ZCCHC17: variants seen among roughly 807,000 people sequenced by gnomAD.
The protein encoded by ZCCHC17 is zinc finger CCHC domain-containing protein 17.
Under a neutral mutation model 30.6 loss-of-function variants are expected in ZCCHC17, and 18 were observed. That is an observed-to-expected ratio of 0.59 (90% CI 0.41 to 0.87). ZCCHC17 has a LOEUF of 0.87. Among genes scored for constraint, ZCCHC17 ranks in the 40% least tolerant of loss-of-function variants. The pLI, the probability that ZCCHC17 is intolerant of heterozygous loss-of-function variation, is 0.00. For synonymous variants in ZCCHC17, 88 were observed against 92.4 expected (o/e 0.95, Z 0.27); for missense variants, 263 against 284.2 (o/e 0.93, Z 0.54).
rs778260756 is a variant in ZCCHC17 at position 31,364,146 on chromosome 1, A to C, written c.679A>C (p.Lys227Gln). 7 of 1,613,766 alleles carry C rather than the reference A, an allele frequency of 4.3e-6. No homozygotes were observed. The highest frequency in any genetic ancestry group is 5.9e-6 in the Non-Finnish European group (7 of 1,179,870). The change falls in exon 8 of 8, where the codon AAG becomes CAG. Residue 227 changes from lysine (K) to glutamine (Q), a missense_variant. Physicochemically the swap from Lys to Gln is moderately conservative, Grantham distance 53. Coordinates refer to ENST00000344147, the MANE Select transcript of ZCCHC17 (RefSeq NM_016505.4). Reference sequence around the variant, plus strand: ...CACATCAAAAGACAGCAAGGCAGCAAAGAAGAAGAAAAAGAAGAAGAAGCA... The same window carrying C: ...CACATCAAAAGACAGCAAGGCAGCACAGAAGAAGAAAAAGAAGAAGAAGCA... ...RHTSKDSKAA[K>Q]KKKKKKKHKK...
chr1:31,353,942 G>A (rs530025891), intron 7 of ZCCHC17, among the ~76,000 whole-genome samples: 1 of 152,072 alleles, frequency 6.6e-6, no homozygotes, highest in African/African-American at 2.4e-5. Flanking sequence ...GGGCTATTTG[G>A]GGTCCTTTGA....
intron 4 of ZCCHC17, 91 bp downstream of exon 4, chr1:31,337,366 T>C: frequency 9.1e-7 from 1 of 1,104,804 alleles, no homozygotes; most frequent in Non-Finnish European, 1.4e-6. Context: ...GTAAATTTTG[T>C]TAATTGTGCT....
intron 1 of ZCCHC17, 62 bp from the exon 2 acceptor site, chr1:31,309,982 C>G: frequency 1.1e-6 from 1 of 890,724 alleles, no homozygotes; most frequent in East Asian, 2.4e-5. Flanking sequence ...TGTGGATTGT[C>G]TGCATATTCA....
intron 5 of ZCCHC17, among the ~76,000 whole-genome samples, chr1:31,343,250 G>A (rs1639112503): frequency 6.6e-6 from 1 of 152,124 alleles, no homozygotes; most frequent in African/African-American, 2.4e-5. Context: ...AGTAGAGACG[G>A]GGTTTCACCA....
Position 31,337,250 on chromosome 1 carries a change from T to A in ZCCHC17, c.200T>A (p.Val67Glu). Reference sequence around the variant, plus strand: ...GAGATAGTAGATGTTGGAGATAAAGTGTGGGTGAAGCTTATTGGCCGAGAG... The same window carrying A: ...GAGATAGTAGATGTTGGAGATAAAGAGTGGGTGAAGCTTATTGGCCGAGAG... ...PSEIVDVGDK[V>E]WVKLIGREMK... Residue 67 changes from valine (V) to glutamate (E), a missense_variant, in exon 4 of 8, where the codon GTG becomes GAG. Val to Glu is a moderately radical substitution (Grantham distance 121, BLOSUM62 -2). Coordinates refer to ENST00000344147, the MANE Select transcript of ZCCHC17 (RefSeq NM_016505.4). 1 of 1,614,048 alleles carries A rather than the reference T, an allele frequency of 6.2e-7. No homozygotes were observed. Among genetic ancestry groups the A allele is most frequent in the Non-Finnish European group, 8.5e-7 (1 of 1,180,002 alleles).
chr1:31,297,140 G>A (rs1245621519), intron 1 of ZCCHC17, 65 bp downstream of exon 1: 1 of 408,702 alleles, frequency 2.4e-6, no homozygotes, highest in Middle Eastern at 6.2e-4. Flanking sequence ...CGGTTGTGCA[G>A]TCTGAACCTG....
intron 1 of ZCCHC17, among the ~76,000 whole-genome samples, chr1:31,306,230 A>C (rs2148408961): frequency 6.6e-6 from 1 of 152,272 alleles, no homozygotes; most frequent in Admixed American, 6.5e-5. Context: ...CCTTTCACTT[A>C]AAGGAAGCAG....
At chr1:31,349,874 C>G (rs1379460151) in intron 7 of ZCCHC17, among the ~76,000 whole-genome samples, 1 of 152,060 alleles carries the variant, frequency 6.6e-6, no homozygotes, top group Non-Finnish European at 1.5e-5. Context: ...TACTTCCAAC[C>G]TAAATTTTTG....
At chr1:31,315,095 A>G (rs2148421715) in intron 2 of ZCCHC17, among the ~76,000 whole-genome samples, 1 of 152,288 alleles carries the variant, frequency 6.6e-6, no homozygotes, top group Middle Eastern at 3.4e-3. Context: ...TATTACTTGT[A>G]TGTGTCTCTC....
intron 3 of ZCCHC17, among the ~76,000 whole-genome samples, chr1:31,332,096 C>A (rs1569847791): frequency 6.6e-6 from 1 of 152,184 alleles, no homozygotes; most frequent in South Asian, 2.1e-4. Flanking sequence ...TAGATGAGGA[C>A]TGAGAACCTT....
At chr1:31,326,692 G>A (rs557454967) in intron 3 of ZCCHC17, among the ~76,000 whole-genome samples, 1 of 152,292 alleles carries the variant, frequency 6.6e-6, no homozygotes, top group African/African-American at 2.4e-5. Context: ...GATTGTGGCT[G>A]ACAGCTTACA....
chr1:31,360,906 G>C (rs1262449838), intron 7 of ZCCHC17, among the ~76,000 whole-genome samples: 1 of 152,164 alleles, frequency 6.6e-6, no homozygotes, highest in Non-Finnish European at 1.5e-5. Flanking sequence ...CAAAAAGCTT[G>C]ATAAACTAAA....
At chr1:31,355,021 A>G (rs971220642) in intron 7 of ZCCHC17, among the ~76,000 whole-genome samples, 11 of 152,094 alleles carry the variant, frequency 7.2e-5, no homozygotes, top group Non-Finnish European at 1.5e-4. Flanking sequence ...CTAAAAATAC[A>G]GAAATTAGCC....
chr1:31,332,094 G>T (rs1261877897), intron 3 of ZCCHC17, among the ~76,000 whole-genome samples: 1 of 152,218 alleles, frequency 6.6e-6, no homozygotes, highest in African/African-American at 2.4e-5. Flanking sequence ...CCTAGATGAG[G>T]ACTGAGAACC....
In ZCCHC17 at chr1:31,360,938, G is replaced by C. The variant is rs79337809; in HGVS notation, c.565-3094G>C. On this transcript the variant is annotated intron_variant, in intron 7 of 7. Transcript: ENST00000344147. ...TAAAGCACTGTTTAGGTGTAAGGCAGTATTATTACTCTCCTCACTTCTTTA... is the reference window on the plus strand; with the variant it reads ...TAAAGCACTGTTTAGGTGTAAGGCACTATTATTACTCTCCTCACTTCTTTA... Among the ~76,000 whole-genome samples the C allele has an allele frequency of 4.8e-3, 724 of 152,298 alleles. 33 individuals carry two copies. In the East Asian group the frequency reaches 0.093, roughly 20 times the overall value.
chr1:31,331,119 C>G (rs1277439785), intron 3 of ZCCHC17, among the ~76,000 whole-genome samples: 1 of 151,970 alleles, frequency 6.6e-6, no homozygotes, highest in East Asian at 1.9e-4. Context: ...AGACTGAAAT[C>G]TAGTTGATTG....
At chr1:31,311,061 A>G (rs1285264559) in intron 2 of ZCCHC17, among the ~76,000 whole-genome samples, 2 of 152,152 alleles carry the variant, frequency 1.3e-5, no homozygotes, top group Admixed American at 1.3e-4. Flanking sequence ...TGTAGCTAGC[A>G]TAAGATTTTT....
intron 3 of ZCCHC17, among the ~76,000 whole-genome samples, chr1:31,335,376 A>G (rs1338725596): frequency 6.6e-6 from 1 of 152,184 alleles, no homozygotes; most frequent in Non-Finnish European, 1.5e-5. Flanking sequence ...TTATTAAAAT[A>G]TTATTTGATT....
intron 6 of ZCCHC17, 125 bp downstream of exon 6, chr1:31,346,865 G>A (rs1195837348): frequency 1.5e-5 from 23 of 1,522,640 alleles, no homozygotes; most frequent in Non-Finnish European, 2.0e-5. Flanking sequence ...GGCCTTTGCT[G>A]TTTTTTCCAC....
Sources: gnomAD v4.1 joint callset for allele counts (sites outside exome capture counted in the v4.1 genomes callset) on GRCh38, gnomAD v4.1.1 for gene constraint, MANE v1.5 for transcripts, NCBI Gene and HGNC (gene_info 2026-07-23, HGNC 2026-07-21) for gene names.